Variants in TMPRSS15 observed in about 807,000 individuals in gnomAD.
The protein encoded by TMPRSS15 is transmembrane serine protease 15.
TMPRSS15 carries 128 observed loss-of-function variants against 125.3 expected under a neutral mutation model. That is an observed-to-expected ratio of 1.02 (90% CI 0.89 to 1.18). The LOEUF (loss-of-function observed/expected upper bound fraction) is 1.18, where lower values mean the gene tolerates loss of function less well. Among genes scored for constraint, TMPRSS15 ranks in the 50% most tolerant of loss-of-function variants. The pLI is 0.00. For missense variants in TMPRSS15, 1,283 were observed against 1,212.7 expected, an observed-to-expected ratio of 1.06 and a Z score of -0.86; for synonymous variants, 446 against 423.2, an observed-to-expected ratio of 1.05 and a Z score of -0.66.
chr21:18,439,366 TTGA>T (rs1438465038), intron 1 of TMPRSS15, among the ~76,000 whole-genome samples: 1 of 152,338 alleles, frequency 6.6e-6, no homozygotes, highest in African/African-American at 2.4e-5. Flanking sequence ...AACAGTTTAG[TTGA>T]TGATAACAAT....
In TMPRSS15 at chr21:18,393,109, G is replaced by C. The variant is rs147469745; in HGVS notation, c.344+4770C>G. ...CAGGACTGAGGCAGAACGCTGTGTCGAGTTGGGGAGGAGAAACAGAAGGCC... is the reference window on the plus strand; with the variant it reads ...CAGGACTGAGGCAGAACGCTGTGTCCAGTTGGGGAGGAGAAACAGAAGGCC... On this transcript the variant is annotated intron_variant, in intron 3 of 24. Transcript: ENST00000284885. 2.4e-3 allele frequency among the ~76,000 whole-genome samples: 362 copies of C among 152,248 alleles called. 2 individuals carry two copies. The highest frequency in any genetic ancestry group is 0.01 in the Middle Eastern group (3 of 294).
chr21:18,347,505 C>G (rs374714560), intron 10 of TMPRSS15, among the ~76,000 whole-genome samples: 7 of 152,214 alleles, frequency 4.6e-5, no homozygotes, highest in African/African-American at 1.7e-4. Context: ...GTTGGGATTA[C>G]AGGCATCAGC....
At chr21:18,281,958 G>T (rs1210471063) in intron 21 of TMPRSS15, among the ~76,000 whole-genome samples, 3 of 151,760 alleles carry the variant, frequency 2.0e-5, no homozygotes, top group Non-Finnish European at 4.4e-5. Context: ...TCAGCCGGGC[G>T]TGGTGGTGGG....
At chr21:18,351,874 G>GA (rs963367114) in intron 10 of TMPRSS15, among the ~76,000 whole-genome samples, 3 of 151,786 alleles carry the variant, frequency 2.0e-5, no homozygotes, top group African/African-American at 7.3e-5. Context: ...ATATTTAAGG[G>GA]AAAAAAAATT....
At chr21:18,306,685 A>G (rs752149732) in intron 18 of TMPRSS15, among the ~76,000 whole-genome samples, 26 of 152,192 alleles carry the variant, frequency 1.7e-4, no homozygotes, top group Admixed American at 5.2e-4. Context: ...TCTAGATTTT[A>G]ATGATTTAGC....
chr21:18,416,855 T>C (rs1433066591), intron 1 of TMPRSS15, among the ~76,000 whole-genome samples: 1 of 152,074 alleles, frequency 6.6e-6, no homozygotes, highest in Non-Finnish European at 1.5e-5. Context: ...ACATTTTCTA[T>C]GCTCTTTACT....
intron 3 of TMPRSS15, among the ~76,000 whole-genome samples, chr21:18,394,415 AC>A (rs1462572548): frequency 1.3e-5 from 2 of 152,164 alleles, no homozygotes; most frequent in African/African-American, 2.4e-5. Flanking sequence ...CTCAGATGAA[AC>A]AAAAAAAATG....
intron 17 of TMPRSS15, among the ~76,000 whole-genome samples, chr21:18,313,345 C>A (rs913025962): frequency 1.1e-4 from 15 of 137,864 alleles, no homozygotes; most frequent in African/African-American, 3.3e-4. Flanking sequence ...ATCTCTCTCT[C>A]TCTCTATATA....
At chr21:18,429,882 TTAATA>T (rs1253898456) in intron 1 of TMPRSS15, among the ~76,000 whole-genome samples, 1 of 152,236 alleles carries the variant, frequency 6.6e-6, no homozygotes, top group African/African-American at 2.4e-5. Context: ...ATTGAGTACC[TTAATA>T]TATTTCACAT....
At chr21:18,391,588 C>T (rs1375629742) in intron 3 of TMPRSS15, among the ~76,000 whole-genome samples, 1 of 152,226 alleles carries the variant, frequency 6.6e-6, no homozygotes, top group Non-Finnish European at 1.5e-5. Context: ...GCTCCCCTAC[C>T]CCCACTGGCT....
chr21:18,463,862 C>T (rs2122954183), intron 1 of TMPRSS15, among the ~76,000 whole-genome samples: 8 of 151,846 alleles, frequency 5.3e-5, no homozygotes, highest in Non-Finnish European at 1.2e-4. Flanking sequence ...GCATAAATAA[C>T]GAAAATAAGG....
intron 10 of TMPRSS15, among the ~76,000 whole-genome samples, chr21:18,352,293 GA>G (rs2075577810): frequency 1.3e-5 from 2 of 151,920 alleles, no homozygotes; most frequent in Non-Finnish European, 2.9e-5. Context: ...ATCTCATTCA[GA>G]TGAAAAATGT....
At chr21:18,314,627 G>T (rs1394627805) in intron 17 of TMPRSS15, among the ~76,000 whole-genome samples, 4 of 151,982 alleles carry the variant, frequency 2.6e-5, no homozygotes, top group African/African-American at 7.3e-5. Flanking sequence ...TAGTTACAGT[G>T]CATGGTACAT....
intron 16 of TMPRSS15, among the ~76,000 whole-genome samples, chr21:18,322,824 C>T (rs988880277): frequency 6.6e-6 from 1 of 151,956 alleles, no homozygotes; most frequent in African/African-American, 2.4e-5. Context: ...AATAAAATGA[C>T]TATAGTTAAC....
intron 1 of TMPRSS15, among the ~76,000 whole-genome samples, chr21:18,434,566 T>A (rs1231261988): frequency 6.7e-6 from 1 of 150,368 alleles, no homozygotes; most frequent in East Asian, 1.9e-4. Flanking sequence ...ATCTGGTGTA[T>A]TTACACAACT....
At chr21:18,273,391 T>C (rs2074584038) in intron 24 of TMPRSS15, among the ~76,000 whole-genome samples, 3 of 152,198 alleles carry the variant, frequency 2.0e-5, no homozygotes, top group Admixed American at 6.5e-5. Context: ...AAACATAGTA[T>C]TAAAGTTGAA....
chr21:18,344,010 C>G lies in TMPRSS15; in HGVS notation c.1222G>C (p.Gly408Arg). Reference protein sequence around the residue: ...TGPGGRQERVGLLSLPLDPTL... With the variant: ...TGPGGRQERVRLLSLPLDPTL... ...GGGTCCAAAGGGAGGCTTAAAAGCCCCACTCGTTCTTGTCTCCCTCCTGGT... is the reference window on the plus strand; with the variant it reads ...GGGTCCAAAGGGAGGCTTAAAAGCCGCACTCGTTCTTGTCTCCCTCCTGGT... The change falls in exon 11 of 25, where the codon GGG (glycine) becomes CGG (arginine). Residue 408 changes from glycine (G) to arginine (R), a missense_variant. Physicochemically the swap from Gly to Arg is moderately radical, Grantham distance 125. Transcript: ENST00000284885. The G allele has an allele frequency of 6.2e-7, 1 of 1,613,970 alleles. No individual in the cohort carries two copies. The highest frequency in any genetic ancestry group is 8.5e-7 in the Non-Finnish European group (1 of 1,180,012).
chr21:18,431,805 C>G (rs2076216962), intron 1 of TMPRSS15, among the ~76,000 whole-genome samples: 1 of 151,986 alleles, frequency 6.6e-6, no homozygotes, highest in Non-Finnish European at 1.5e-5. Context: ...CCTACTAGAG[C>G]CTTTTAGCTT....
chr21:18,467,353 T>C (rs963299067), intron 1 of TMPRSS15, among the ~76,000 whole-genome samples: 11 of 151,954 alleles, frequency 7.2e-5, no homozygotes, highest in Non-Finnish European at 1.3e-4. Context: ...TGTGTATACC[T>C]ATGTAACAAA....
Sources: gnomAD v4.1 joint callset for allele counts (sites outside exome capture counted in the v4.1 genomes callset) on GRCh38, gnomAD v4.1.1 for gene constraint, MANE v1.5 for transcripts, NCBI Gene and HGNC (gene_info 2026-07-23, HGNC 2026-07-21) for gene names.